The following NRG1 variants were observed in gnomAD, a reference collection of about 807,000 sequenced individuals.
NRG1 encodes the protein pro-neuregulin-1, membrane-bound isoform.
Under a neutral mutation model 63.8 loss-of-function variants are expected in NRG1, and 18 were observed. The observed-to-expected ratio is 0.28, with a 90% CI of 0.19 to 0.42. The LOEUF (loss-of-function observed/expected upper bound fraction) is 0.42. Ranked by LOEUF, NRG1 falls within the 10% of genes least tolerant of loss-of-function variation. The probability of loss-of-function intolerance (pLI) is 1.00; values close to 1 mark genes in which losing one functional copy is unlikely to be tolerated. For missense variants in NRG1, 762 were observed against 814.7 expected, an observed-to-expected ratio of 0.94 and a Z score of 0.79; for synonymous variants, 302 against 301.3, an observed-to-expected ratio of 1.00 and a Z score of -0.02.
intron 1 of NRG1, among the ~76,000 whole-genome samples, chr8:32,224,276 G>A (rs926890207): frequency 6.6e-6 from 1 of 152,058 alleles, no homozygotes; most frequent in African/African-American, 2.4e-5. Flanking sequence ...GGGTTTGGTC[G>A]ATCGCAGGAT....
chr8:31,656,461 G>T (rs1386916990), intron 1 of NRG1, among the ~76,000 whole-genome samples: 1 of 152,192 alleles, frequency 6.6e-6, no homozygotes, highest in African/African-American at 2.4e-5. Context: ...GGAGCAGACT[G>T]AAGTACTATT....
intron 1 of NRG1, among the ~76,000 whole-genome samples, chr8:31,664,231 A>G (rs1448833862): frequency 6.6e-6 from 1 of 152,160 alleles, no homozygotes; most frequent in Non-Finnish European, 1.5e-5. Flanking sequence ...ATAACCAGGA[A>G]TTCTTCCTAA....
rs573812411 is a variant in NRG1, at chr8:32,432,900, G to T, written c.38-162928G>T. 5.3e-5 allele frequency among the ~76,000 whole-genome samples: 8 copies of T among 152,234 alleles called. No homozygotes were observed. The South Asian group carries it at 8.3e-4, about 16-fold the overall frequency. On this transcript the variant is annotated intron_variant, in intron 1 of 10. Transcript: ENST00000519301. ...GTGGAGCAAAAGCTTTTAAATGGTGGTCAATTACACAATGATTAAATTTAG... is the reference window on the plus strand; with the variant it reads ...GTGGAGCAAAAGCTTTTAAATGGTGTTCAATTACACAATGATTAAATTTAG...
intron 4 of NRG1, among the ~76,000 whole-genome samples, chr8:32,615,052 T>TGACA (rs1554604274): frequency 4.5e-5 from 1 of 22,072 alleles, no homozygotes; most frequent in Non-Finnish European, 6.7e-5. Context: ...ACTTACAGCC[T>TGACA]TTAAAAATGC....
rs117471684 is a variant in NRG1 at position 32,367,757 on chromosome 8, A to T, written c.38-228071A>T. ...CCACAAGATCTTCGCCCAGACCAAC[A>T]TCCTGAAGTGTTTTCCCTCTTTTCT... On this transcript the variant is annotated intron_variant, in intron 1 of 10. Transcript: ENST00000519301. Among the ~76,000 whole-genome samples, 76 of 152,274 alleles carry T rather than the reference A, an allele frequency of 5.0e-4. 1 individual carries two copies. The East Asian group carries it at 0.014, about 29-fold the overall frequency.
chr8:31,802,974 G>T (rs995402064), intron 1 of NRG1, among the ~76,000 whole-genome samples: 1 of 152,130 alleles, frequency 6.6e-6, no homozygotes, highest in Non-Finnish European at 1.5e-5. Context: ...GTTGATTTTT[G>T]TGGGCATCAT....
chr8:32,312,330 A>ATTTTTTTTTT (rs4035492), intron 1 of NRG1, among the ~76,000 whole-genome samples: 2 of 89,194 alleles, frequency 2.2e-5, no homozygotes, highest in African/African-American at 5.6e-5. Context: ...TGCCCAGCTA[A>ATTTTTTTTTT]TTTTTTTTTT....
intron 1 of NRG1, among the ~76,000 whole-genome samples, chr8:31,780,236 T>C (rs568564204): frequency 4.3e-4 from 66 of 152,286 alleles, no homozygotes; most frequent in African/African-American, 1.6e-3. Flanking sequence ...TAAACTCGAG[T>C]TGGCAAATGT....
At chr8:31,758,952 G>A (rs952010369) in intron 1 of NRG1, among the ~76,000 whole-genome samples, 1 of 152,118 alleles carries the variant, frequency 6.6e-6, no homozygotes, top group African/African-American at 2.4e-5. Context: ...ATATGTTAAA[G>A]GGTGTGTAGT....
At chr8:32,066,149 T>C (rs1824777310) in intron 1 of NRG1, among the ~76,000 whole-genome samples, 1 of 152,264 alleles carries the variant, frequency 6.6e-6, no homozygotes, top group Admixed American at 6.5e-5. Flanking sequence ...CTGTTCATTC[T>C]GATGGTAGTT....
chr8:31,748,128 A>T (rs1273727460), intron 1 of NRG1, among the ~76,000 whole-genome samples: 1 of 151,938 alleles, frequency 6.6e-6, no homozygotes, highest in Non-Finnish European at 1.5e-5. Flanking sequence ...ATGATTTCCT[A>T]CTATTCCAGT....
At chr8:32,159,992 A>T (rs1838647140) in intron 1 of NRG1, among the ~76,000 whole-genome samples, 1 of 152,194 alleles carries the variant, frequency 6.6e-6, no homozygotes, top group Non-Finnish European at 1.5e-5. Flanking sequence ...CCTAAGAAGG[A>T]TCTTGGGGAA....
intron 1 of NRG1, among the ~76,000 whole-genome samples, chr8:32,134,153 G>A (rs2131658261): frequency 6.6e-6 from 1 of 152,198 alleles, no homozygotes; most frequent in East Asian, 1.9e-4. Flanking sequence ...AGTCTCTACA[G>A]CATGAAGACT....
intron 1 of NRG1, among the ~76,000 whole-genome samples, chr8:32,507,808 A>T (rs1053571179): frequency 2.0e-5 from 3 of 151,432 alleles, no homozygotes; most frequent in African/African-American, 7.3e-5. Context: ...AGCAATTCTC[A>T]TGCCTCAGCC....
intron 5 of NRG1, among the ~76,000 whole-genome samples, chr8:32,720,277 A>G (rs1176949789): frequency 6.6e-6 from 1 of 152,184 alleles, no homozygotes; most frequent in East Asian, 1.9e-4. Context: ...AACATTTTCT[A>G]CATTGACTTG....
At chr8:31,877,599 G>GTT (rs1830027873) in intron 1 of NRG1, among the ~76,000 whole-genome samples, 1 of 151,972 alleles carries the variant, frequency 6.6e-6, no homozygotes, top group African/African-American at 2.4e-5. Context: ...CTTCTATAAA[G>GTT]TACTCTAGAG....
chr8:32,291,737 G>T (rs936305585), intron 1 of NRG1, among the ~76,000 whole-genome samples: 1 of 151,792 alleles, frequency 6.6e-6, no homozygotes, highest in Non-Finnish European at 1.5e-5. Context: ...TAGAAATGGG[G>T]TTTCACCATG....
chr8:32,089,508 A>AT (rs199867713), intron 1 of NRG1, among the ~76,000 whole-genome samples: 2 of 150,854 alleles, frequency 1.3e-5, no homozygotes, highest in Admixed American at 1.3e-4. Context: ...CAAACGGAAA[A>AT]TTTTTTTTTT....
intron 1 of NRG1, among the ~76,000 whole-genome samples, chr8:32,468,342 T>C (rs1373733548): frequency 6.6e-6 from 1 of 152,174 alleles, no homozygotes; most frequent in Non-Finnish European, 1.5e-5. Context: ...AGTTGGTTCT[T>C]GAGAAAACCC....
Sources: allele counts gnomAD v4.1 joint callset (sites outside exome capture counted in the v4.1 genomes callset), GRCh38; gene constraint gnomAD v4.1.1; transcripts MANE v1.5; gene names NCBI Gene and HGNC (gene_info 2026-07-23, HGNC 2026-07-21).